Variants in TGFBR3 observed in about 807,000 individuals in gnomAD.
The protein encoded by TGFBR3 is transforming growth factor beta receptor 3.
TGFBR3 carries 46 observed loss-of-function variants against 87.9 expected under a neutral mutation model. The ratio of observed to expected loss-of-function variants is 0.52; its 90% confidence interval spans 0.41 to 0.67. The LOEUF (loss-of-function observed/expected upper bound fraction) is 0.67. Ranked by LOEUF, TGFBR3 falls within the 30% of genes least tolerant of loss-of-function variation. The pLI, the probability that TGFBR3 is intolerant of heterozygous loss-of-function variation, is 0.00. For missense variants in TGFBR3, 866 were observed against 1,041.9 expected (o/e 0.83, Z 2.32); for synonymous variants, 381 against 391.6 (o/e 0.97, Z 0.32).
chr1:91,778,769 A>G (rs1557705640), intron 3 of TGFBR3, among the ~76,000 whole-genome samples: 1 of 152,238 alleles, frequency 6.6e-6, no homozygotes, highest in Non-Finnish European at 1.5e-5. Context: ...TACTGATGAT[A>G]TACTAGCAGA....
At chr1:91,873,698 G>A (rs960398184) in intron 1 of TGFBR3, among the ~76,000 whole-genome samples, 52 of 152,298 alleles carry the variant, frequency 3.4e-4, no homozygotes, top group African/African-American at 1.2e-3. Flanking sequence ...TGTAATCCCA[G>A]CACTTTGGGA....
intron 2 of TGFBR3, among the ~76,000 whole-genome samples, chr1:91,859,413 T>C (rs1377482429): frequency 8.7e-6 from 1 of 114,954 alleles, no homozygotes; most frequent in Non-Finnish European, 1.8e-5. Flanking sequence ...CTCTCTCTCT[T>C]TTTTTTTGGG....
At chr1:91,858,202 T>TTCA (rs892996772) in intron 2 of TGFBR3, among the ~76,000 whole-genome samples, 14 of 152,192 alleles carry the variant, frequency 9.2e-5, no homozygotes, top group African/African-American at 3.4e-4. Context: ...ATTTGAAATA[T>TTCA]TCATCATTGT....
intron 3 of TGFBR3, among the ~76,000 whole-genome samples, chr1:91,761,765 A>G (rs1402136963): frequency 6.6e-6 from 1 of 151,922 alleles, no homozygotes; most frequent in East Asian, 1.9e-4. Flanking sequence ...CTTGGGGGAA[A>G]AAAAAAAAGA....
intron 16 of TGFBR3, among the ~76,000 whole-genome samples, chr1:91,687,077 T>C (rs1043052604): frequency 1.3e-5 from 2 of 151,474 alleles, no homozygotes; most frequent in South Asian, 2.1e-4. Flanking sequence ...AGGAGGAGAG[T>C]ACACTGAGGA....
At chr1:91,826,438 C>T (rs761290113) in intron 2 of TGFBR3, among the ~76,000 whole-genome samples, 6 of 152,140 alleles carry the variant, frequency 3.9e-5, no homozygotes, top group African/African-American at 2.4e-5. Flanking sequence ...CTAAGCCAAT[C>T]ACTGTAACTC....
At chr1:91,789,507 G>T (rs1675106887) in intron 3 of TGFBR3, among the ~76,000 whole-genome samples, 1 of 152,212 alleles carries the variant, frequency 6.6e-6, no homozygotes, top group South Asian at 2.1e-4. Flanking sequence ...GGATATTACT[G>T]TGACGAATGA....
intron 3 of TGFBR3, among the ~76,000 whole-genome samples, chr1:91,786,763 C>T (rs1674986430): frequency 6.8e-6 from 1 of 146,840 alleles, no homozygotes; most frequent in South Asian, 2.2e-4. Context: ...AAAAAAAAGA[C>T]AAAAAAAAAG....
At chr1:91,722,524 T>A (rs530176005) in intron 7 of TGFBR3, among the ~76,000 whole-genome samples, 1 of 151,988 alleles carries the variant, frequency 6.6e-6, no homozygotes, top group Non-Finnish European at 1.5e-5. Context: ...AAATGACATA[T>A]AAAGTATACA....
At chr1:91,747,236 T>C (rs1673380442) in intron 4 of TGFBR3, among the ~76,000 whole-genome samples, 1 of 152,250 alleles carries the variant, frequency 6.6e-6, no homozygotes, top group African/African-American at 2.4e-5. Context: ...GTGAGGGAAC[T>C]GACTGGCTCA....
intron 7 of TGFBR3, among the ~76,000 whole-genome samples, chr1:91,725,372 T>C (rs1255984345): frequency 6.6e-6 from 1 of 152,214 alleles, no homozygotes; most frequent in Non-Finnish European, 1.5e-5. Flanking sequence ...ATTGTTCCTA[T>C]AGACACTCTG....
chr1:91,680,855 G>T lies in TGFBR3; in HGVS notation c.*2884C>A, dbSNP rs1347566389. The T allele has an allele frequency of 2.2e-6, 1 of 447,068 alleles. No homozygotes were observed. Among genetic ancestry groups the T allele is most frequent in the Non-Finnish European group, 4.5e-6 (1 of 223,718 alleles). The allele number at this position is 447,068 out of a possible 1,614,324, so 27.7% of individuals were successfully genotyped here. ...ATTTACAATCTTATTACAAGGCAAAGAAAAAAACCATTTTTTTTGTTTAGA... is the reference window on the plus strand; with the variant it reads ...ATTTACAATCTTATTACAAGGCAAATAAAAAAACCATTTTTTTTGTTTAGA... On this transcript the variant is annotated 3_prime_UTR_variant, in exon 17 of 17. Coordinates refer to ENST00000212355, the MANE Select transcript of TGFBR3 (RefSeq NM_003243.5).
At chr1:91,753,162 C>T (rs1450582665) in intron 4 of TGFBR3, among the ~76,000 whole-genome samples, 3 of 151,806 alleles carry the variant, frequency 2.0e-5, no homozygotes, top group Non-Finnish European at 4.4e-5. Context: ...AAAGTGGGTG[C>T]ATCACTTGAG....
chr1:91,893,755 C>G (rs924760248), intron 2 of TGFBR3, among the ~76,000 whole-genome samples: 3 of 151,218 alleles, frequency 2.0e-5, no homozygotes, highest in African/African-American at 7.3e-5. Context: ...ACATTATTTG[C>G]TTATAGTCCA....
chr1:91,790,248 A>G lies in TGFBR3; in HGVS notation c.246+7039T>C, dbSNP rs370562091. Reference sequence around the variant, plus strand: ...ACATTTAGGCATGTTTAGGTACACAAATTCTTACCATTGTGTTACAATTGC... The same window carrying G: ...ACATTTAGGCATGTTTAGGTACACAGATTCTTACCATTGTGTTACAATTGC... On this transcript the variant is annotated intron_variant, in intron 3 of 16. Transcript: ENST00000212355. Among the ~76,000 whole-genome samples, 189 of 152,332 alleles carry G rather than the reference A, an allele frequency of 1.2e-3. 3 individuals carry two copies. In the South Asian group the frequency reaches 0.018, roughly 14 times the overall value.
At chr1:91,856,710 C>T (rs1334324065) in intron 2 of TGFBR3, among the ~76,000 whole-genome samples, 1 of 152,166 alleles carries the variant, frequency 6.6e-6, no homozygotes, top group African/African-American at 2.4e-5. Flanking sequence ...TAAAGAAGGC[C>T]CACTACTTGA....
At chr1:91,758,484 C>G (rs1673828345) in intron 4 of TGFBR3, 129 bp downstream of exon 4, 3 of 1,170,812 alleles carry the variant, frequency 2.6e-6, no homozygotes, top group Non-Finnish European at 3.8e-6. Context: ...GTGCATCCTC[C>G]AAATTTAACA....
chr1:91,899,351 T>C (rs575140222), intron 2 of TGFBR3, among the ~76,000 whole-genome samples: 245 of 151,948 alleles, frequency 1.6e-3, no homozygotes, highest in Non-Finnish European at 2.6e-3. Flanking sequence ...ACAAAAAATT[T>C]AAAAATTAGC....
At chr1:91,869,327 C>T (rs896448829) in intron 1 of TGFBR3, among the ~76,000 whole-genome samples, 2 of 152,138 alleles carry the variant, frequency 1.3e-5, no homozygotes, top group Non-Finnish European at 2.9e-5. Flanking sequence ...AATGAGGGTA[C>T]CACAGTGGAC....
Sources: allele counts gnomAD v4.1 joint callset (sites outside exome capture counted in the v4.1 genomes callset), GRCh38; gene constraint gnomAD v4.1.1; transcripts MANE v1.5; gene names NCBI Gene and HGNC (gene_info 2026-07-23, HGNC 2026-07-21).